The following SLC36A1 variants were observed in gnomAD, a reference collection of about 807,000 sequenced individuals.
SLC36A1 encodes proton-coupled amino acid transporter 1.
SLC36A1 carries 30 observed loss-of-function variants against 47.5 expected under a neutral mutation model. That is an observed-to-expected ratio of 0.63 (90% CI 0.47 to 0.86). The LOEUF is 0.86. Ranked by LOEUF, SLC36A1 falls within the 40% of genes least tolerant of loss-of-function variation. The probability of loss-of-function intolerance (pLI) is 0.00; values close to 1 mark genes in which losing one functional copy is unlikely to be tolerated. For missense variants in SLC36A1, 517 were observed against 606.0 expected (o/e 0.85, Z 1.54); for synonymous variants, 255 against 249.7 (o/e 1.02, Z -0.20).
the SLC36A1 span, among the ~76,000 whole-genome samples, chr5:151,363,938 C>T: frequency 6.6e-6 from 1 of 152,220 alleles, no homozygotes; most frequent in African/African-American, 2.4e-5. Context: ...ATACTAGCAA[C>T]ACTTGAGCTC....
chr5:151,462,734 A>G (rs951463586), intron 2 of SLC36A1, among the ~76,000 whole-genome samples: 1 of 150,442 alleles, frequency 6.6e-6, no homozygotes, highest in Non-Finnish European at 1.5e-5. Context: ...TGTGACTTTT[A>G]TGCTGTTCAC....
the SLC36A1 span, among the ~76,000 whole-genome samples, chr5:151,388,226 T>C: frequency 5.9e-5 from 9 of 152,086 alleles, no homozygotes; most frequent in Non-Finnish European, 1.2e-4. Context: ...ACCTTGGTCT[T>C]GGCGGTGGCT....
the SLC36A1 span, among the ~76,000 whole-genome samples, chr5:151,501,354 T>C: frequency 1.8e-3 from 269 of 150,650 alleles, 4 homozygotes; most frequent in East Asian, 0.032. Context: ...CCAGCTGGAT[T>C]GGGAACTTGA....
chr5:151,391,738 C>T, the SLC36A1 span, among the ~76,000 whole-genome samples: 1 of 152,290 alleles, frequency 6.6e-6, no homozygotes, highest in South Asian at 2.1e-4. Flanking sequence ...AGCCTTGCAT[C>T]CCAGGGATGA....
chr5:151,510,257 T>C, the SLC36A1 span: 2 of 1,464,086 alleles, frequency 1.4e-6, no homozygotes, highest in Non-Finnish European at 1.9e-6. Context: ...GGTGTGTTTG[T>C]GCAGCCGTTC....
the SLC36A1 span, among the ~76,000 whole-genome samples, chr5:151,552,532 G>A: frequency 6.6e-6 from 1 of 152,066 alleles, no homozygotes; most frequent in Admixed American, 6.6e-5. Context: ...GGTTTCAAAG[G>A]GCCTATACAT....
chr5:151,447,061 A>G (rs943936851), upstream of SLC36A1, among the ~76,000 whole-genome samples: 1 of 152,234 alleles, frequency 6.6e-6, no homozygotes, highest in African/African-American at 2.4e-5. Context: ...TATTTGTTAC[A>G]TAATTGTTAA....
the SLC36A1 span, among the ~76,000 whole-genome samples, chr5:151,399,084 A>ATATATATATATATTTTTTTT: frequency 3.3e-5 from 2 of 60,068 alleles, no homozygotes; most frequent in Admixed American, 2.3e-4. Flanking sequence ...ATATATATAT[A>ATATATATATATATTTTTTTT]TTTTTTTTTT....
chr5:151,348,346 A>G, the SLC36A1 span, among the ~76,000 whole-genome samples: 1 of 152,040 alleles, frequency 6.6e-6, no homozygotes, highest in East Asian at 1.9e-4. Context: ...CTAGTATCCC[A>G]CTCTCTGTCA....
At chr5:151,548,393 GT>G in the SLC36A1 span, among the ~76,000 whole-genome samples, 2 of 151,920 alleles carry the variant, frequency 1.3e-5, no homozygotes, top group Non-Finnish European at 2.9e-5. Context: ...TATCGCTTTT[GT>G]TATAGTAATT....
chr5:151,516,262 C>A, the SLC36A1 span, among the ~76,000 whole-genome samples: 1 of 152,222 alleles, frequency 6.6e-6, no homozygotes, highest in Non-Finnish European at 1.5e-5. Flanking sequence ...ATAATCCCAG[C>A]ACTTTGGGAG....
At chr5:151,413,248 A>C in the SLC36A1 span, among the ~76,000 whole-genome samples, 1 of 151,460 alleles carries the variant, frequency 6.6e-6, no homozygotes, top group African/African-American at 2.4e-5. Context: ...TTTTCCAAAT[A>C]TGGATTTTGT....
At chr5:151,537,332 AG>A in the SLC36A1 span, among the ~76,000 whole-genome samples, 68 of 1,402 alleles carry the variant, frequency 0.049, no homozygotes, top group South Asian at 0.17. Context: ...AAAAAAAGAA[AG>A]AAAAGAAAAG....
chr5:151,457,687 G>A (rs1306738982), intron 1 of SLC36A1, among the ~76,000 whole-genome samples: 3 of 152,108 alleles, frequency 2.0e-5, no homozygotes, highest in Admixed American at 6.5e-5. Flanking sequence ...GAGTCCCAGG[G>A]TCAGGGTATA....
the SLC36A1 span, among the ~76,000 whole-genome samples, chr5:151,400,458 T>C: frequency 6.6e-6 from 1 of 152,198 alleles, no homozygotes; most frequent in Non-Finnish European, 1.5e-5. Flanking sequence ...AACAGTGCTG[T>C]GTTGAACATA....
chr5:151,465,251 G>T, intron 5 of SLC36A1, 82 bp downstream of exon 5: 1 of 1,094,988 alleles, frequency 9.1e-7, no homozygotes, highest in South Asian at 1.2e-5. Flanking sequence ...GGGAGACAGT[G>T]TAAAGCGTGG....
intron 10 of SLC36A1, among the ~76,000 whole-genome samples, chr5:151,480,784 C>G (rs1758687931): frequency 6.6e-6 from 1 of 152,142 alleles, no homozygotes; most frequent in South Asian, 2.1e-4. Context: ...AGACAGCTTT[C>G]ACGTGTATGG....
intron 1 of SLC36A1, among the ~76,000 whole-genome samples, chr5:151,457,060 G>A (rs146073104): frequency 4.6e-5 from 7 of 152,228 alleles, no homozygotes; most frequent in East Asian, 1.9e-4. Context: ...GCCAAGTGTC[G>A]GGAGGATTTT....
chr5:151,387,788 T>C, the SLC36A1 span, among the ~76,000 whole-genome samples: 357 of 152,320 alleles, frequency 2.3e-3, 11 homozygotes, highest in East Asian at 0.055. Context: ...TAAGGACTCT[T>C]TGTCTTTTTG....
Sources: gnomAD v4.1 joint callset for allele counts (sites outside exome capture counted in the v4.1 genomes callset) on GRCh38, gnomAD v4.1.1 for gene constraint, MANE v1.5 for transcripts, NCBI Gene and HGNC (gene_info 2026-07-23, HGNC 2026-07-21) for gene names.